The following CCSER2 variants were observed in gnomAD, a reference collection of about 807,000 sequenced individuals.
CCSER2 encodes coiled-coil serine rich protein 2.
In CCSER2, 46 loss-of-function variants were observed where a neutral mutation model predicts 92.3. The ratio of observed to expected loss-of-function variants is 0.50; its 90% CI spans 0.39 to 0.64. CCSER2 has a LOEUF of 0.64. Ranked by LOEUF, CCSER2 falls within the 30% of genes least tolerant of loss-of-function variation. CCSER2 has a pLI of 0.00. For missense variants in CCSER2, 1,244 were observed against 1,238.9 expected, an observed-to-expected ratio of 1.00 and a Z score of -0.06; for synonymous variants, 433 against 431.4, an observed-to-expected ratio of 1.00 and a Z score of -0.04.
chr10:84,379,305 G>C (rs1840765998), intron 3 of CCSER2, among the ~76,000 whole-genome samples: 1 of 151,942 alleles, frequency 6.6e-6, no homozygotes, highest in African/African-American at 2.4e-5. Context: ...TCCTAATACT[G>C]GTTATTGGTG....
At chr10:84,383,045 T>C (rs1232644331) in intron 3 of CCSER2, among the ~76,000 whole-genome samples, 1 of 152,220 alleles carries the variant, frequency 6.6e-6, no homozygotes, top group Non-Finnish European at 1.5e-5. Flanking sequence ...CTGCTGAATG[T>C]CATAATATTC....
Position 84,406,509 on chromosome 10 carries a change from C to G in CCSER2, c.1615-11262C>G, listed in dbSNP as rs1409668395. On this transcript the variant is annotated intron_variant, in intron 3 of 9. Coordinates refer to ENST00000372088, the MANE Select transcript of CCSER2 (RefSeq NM_001284240.2). ...CTGACCCACCGTCTCACAGTTCACTCTATTTGAATAGAAATGTGTTCTCAA... is the reference window on the plus strand; with the variant it reads ...CTGACCCACCGTCTCACAGTTCACTGTATTTGAATAGAAATGTGTTCTCAA... Among the ~76,000 whole-genome samples the G allele has an allele frequency of 2.6e-5, 4 of 152,280 alleles. No individual in the cohort carries two copies. The South Asian group carries it at 8.3e-4, about 32-fold the overall frequency.
chr10:84,358,008 AG>A lies in CCSER2; in HGVS notation c.-39-13004del, dbSNP rs1422299228. 3.9e-5 allele frequency among the ~76,000 whole-genome samples: 6 copies of A among 152,196 alleles called. No homozygotes were observed. In the East Asian group the frequency reaches 1.2e-3, roughly 29 times the overall value. ...TTAAGTATGATTTTCCTTTCCCATT[AG>A]GTGGAATTTAGCCATCTAGACAGTA... On this transcript the variant is annotated intron_variant, in intron 1 of 9. Coordinates refer to ENST00000372088, the MANE Select transcript of CCSER2 (RefSeq NM_001284240.2).
At chr10:84,447,274 G>A (rs1844982668) in intron 6 of CCSER2, among the ~76,000 whole-genome samples, 1 of 152,116 alleles carries the variant, frequency 6.6e-6, no homozygotes, top group African/African-American at 2.4e-5. Context: ...CCCAACTTAC[G>A]AATTTGTGTC....
chr10:84,445,867 G>A (rs1213802509), intron 6 of CCSER2, among the ~76,000 whole-genome samples: 2 of 152,052 alleles, frequency 1.3e-5, no homozygotes, highest in African/African-American at 4.8e-5. Flanking sequence ...ATTTGGACAG[G>A]TTTCCTTTTT....
intron 7 of CCSER2, among the ~76,000 whole-genome samples, chr10:84,468,027 C>T (rs1309518099): frequency 6.6e-6 from 1 of 152,174 alleles, no homozygotes; most frequent in Admixed American, 6.5e-5. Context: ...CACTCCCTAG[C>T]TAAGGCCATG....
chr10:84,348,208 C>T (rs891765687), intron 1 of CCSER2, among the ~76,000 whole-genome samples: 3 of 152,226 alleles, frequency 2.0e-5, no homozygotes, highest in Admixed American at 6.5e-5. Context: ...CCCAGCACCT[C>T]GGGAGGCCGA....
intron 1 of CCSER2, among the ~76,000 whole-genome samples, chr10:84,333,729 A>T (rs1843693778): frequency 6.6e-6 from 1 of 152,194 alleles, no homozygotes; most frequent in African/African-American, 2.4e-5. Flanking sequence ...GGAGATCGGG[A>T]TATTTTGGAA....
chr10:84,397,267 A>G (rs1841895365), intron 3 of CCSER2, among the ~76,000 whole-genome samples: 1 of 152,010 alleles, frequency 6.6e-6, no homozygotes, highest in Admixed American at 6.6e-5. Flanking sequence ...TTTTATTACC[A>G]CCTCCCCCAA....
intron 7 of CCSER2, among the ~76,000 whole-genome samples, 157 bp downstream of exon 7, chr10:84,464,173 G>T (rs1352929423): frequency 3.3e-5 from 5 of 152,266 alleles, no homozygotes; most frequent in Non-Finnish European, 7.4e-5. Flanking sequence ...TGATATCTCT[G>T]TGGTGCTTTA....
At chr10:84,421,405 C>G (rs1486949475) in intron 4 of CCSER2, among the ~76,000 whole-genome samples, 2 of 152,122 alleles carry the variant, frequency 1.3e-5, no homozygotes. Flanking sequence ...AGGAAACTTG[C>G]AGTCATGCTG....
chr10:84,444,605 TACCTTGAGGG>T (rs1232776225), intron 6 of CCSER2, among the ~76,000 whole-genome samples: 2 of 152,104 alleles, frequency 1.3e-5, no homozygotes, highest in Non-Finnish European at 2.9e-5. Flanking sequence ...TTCTAGAAGA[TACCTTGAGGG>T]ACAGCAGGGA....
chr10:84,487,028 A>C (rs1171427134), intron 9 of CCSER2, among the ~76,000 whole-genome samples: 2 of 152,094 alleles, frequency 1.3e-5, no homozygotes, highest in Non-Finnish European at 2.9e-5. Context: ...TGTTTTTCTC[A>C]GGTTTGTCAA....
intron 6 of CCSER2, among the ~76,000 whole-genome samples, chr10:84,457,364 T>TA (rs1564685404): frequency 2.8e-4 from 22 of 77,706 alleles, no homozygotes; most frequent in Non-Finnish European, 4.6e-4. Context: ...TATATATTTA[T>TA]TTTAAATATA....
intron 5 of CCSER2, among the ~76,000 whole-genome samples, chr10:84,431,765 TTGTATGGC>T (rs1166416696): frequency 6.6e-6 from 1 of 152,166 alleles, no homozygotes; most frequent in Non-Finnish European, 1.5e-5. Context: ...TAATATTTTG[TTGTATGGC>T]TGTACTACAG....
chr10:84,401,259 G>A (rs145788014), intron 3 of CCSER2, among the ~76,000 whole-genome samples: 8 of 152,166 alleles, frequency 5.3e-5, no homozygotes, highest in South Asian at 2.1e-4. Flanking sequence ...AAAAAGCAAC[G>A]AAATTGAAAG....
chr10:84,362,229 A>G lies in CCSER2; in HGVS notation c.-39-8785A>G, dbSNP rs141790058. 2.4e-3 allele frequency among the ~76,000 whole-genome samples: 366 copies of G among 152,298 alleles called. 1 individual carries two copies. The highest frequency in any genetic ancestry group is 8.4e-3 in the African/African-American group (350 of 41,556). Reference sequence around the variant, plus strand: ...GGAACTTTGCTCAAGCAGATCCTGTATAGACTGAAATGTTAAATGTTTGCT... The same window carrying G: ...GGAACTTTGCTCAAGCAGATCCTGTGTAGACTGAAATGTTAAATGTTTGCT... On this transcript the variant is annotated intron_variant, in intron 1 of 9. Coordinates refer to ENST00000372088, the MANE Select transcript of CCSER2 (RefSeq NM_001284240.2).
rs1589475557 is a variant in CCSER2, at chr10:84,374,141, C to G, written c.1614+326C>G. ...AATGACTGGAGGTGGTTTTGGTTGT[C>G]ATATTGATGAGTGCTTCTTGGCATC... On this transcript the variant is annotated intron_variant, in intron 3 of 9. Transcript: ENST00000372088. The G allele has an allele frequency of 1.2e-5, 5 of 421,222 alleles. No homozygotes were observed. The East Asian group carries it at 2.5e-4, about 21-fold the overall frequency. The allele number at this position is 421,222 out of a possible 1,614,324, so 26.1% of individuals were successfully genotyped here.
chr10:84,394,988 C>T (rs993564591), intron 3 of CCSER2, among the ~76,000 whole-genome samples: 3 of 152,038 alleles, frequency 2.0e-5, no homozygotes, highest in Admixed American at 2.0e-4. Context: ...CTTTGTGAGG[C>T]TGAGGTGGTA....
Sources: gnomAD v4.1 joint callset for allele counts (sites outside exome capture counted in the v4.1 genomes callset) on GRCh38, gnomAD v4.1.1 for gene constraint, MANE v1.5 for transcripts, NCBI Gene and HGNC (gene_info 2026-07-23, HGNC 2026-07-21) for gene names.